DGKB: variants seen among roughly 807,000 people sequenced by gnomAD.
DGKB encodes diacylglycerol kinase beta.
In DGKB, 67 loss-of-function variants were observed where a neutral mutation model predicts 114.3. The ratio of observed to expected loss-of-function variants is 0.59; its 90% CI spans 0.48 to 0.72. The LOEUF (loss-of-function observed/expected upper bound fraction) is 0.72. Among genes scored for constraint, DGKB ranks in the 30% least tolerant of loss-of-function variants. The pLI is 0.00. For missense variants in DGKB, 907 were observed against 975.2 expected, an observed-to-expected ratio of 0.93 and a Z score of 0.93; for synonymous variants, 398 against 323.1, an observed-to-expected ratio of 1.23 and a Z score of -2.49.
intron 23 of DGKB, among the ~76,000 whole-genome samples, chr7:14,219,395 A>C (rs1472524930): frequency 6.6e-6 from 1 of 151,840 alleles, no homozygotes; most frequent in Non-Finnish European, 1.5e-5. Flanking sequence ...CCAACAGGGT[A>C]TAAGGGTTAT....
chr7:14,227,946 T>C (rs1449989848), intron 23 of DGKB, among the ~76,000 whole-genome samples: 2 of 152,094 alleles, frequency 1.3e-5, no homozygotes, highest in African/African-American at 4.8e-5. Flanking sequence ...TTTGTTATTG[T>C]TGTCAGCTGT....
intron 1 of DGKB, among the ~76,000 whole-genome samples, chr7:14,939,101 T>A (rs770670375): frequency 2.0e-5 from 3 of 152,148 alleles, no homozygotes; most frequent in Non-Finnish European, 2.9e-5. Context: ...TTTCTCTTTA[T>A]CTTTAATATC....
intron 1 of DGKB, among the ~76,000 whole-genome samples, chr7:14,971,527 C>A (rs550824234): frequency 2.6e-5 from 4 of 152,044 alleles, no homozygotes; most frequent in African/African-American, 7.2e-5. Flanking sequence ...AATACCTAGC[C>A]AATTTTTCAT....
intron 1 of DGKB, among the ~76,000 whole-genome samples, chr7:14,869,137 C>T (rs1852099132): frequency 6.6e-6 from 1 of 152,052 alleles, no homozygotes. Flanking sequence ...CAAGCCCATA[C>T]AGATAAGGAA....
chr7:14,347,478 A>G (rs36100361), intron 21 of DGKB, among the ~76,000 whole-genome samples: 42,003 of 151,824 alleles, frequency 0.28, 6,617 homozygotes, highest in Middle Eastern at 0.36. Flanking sequence ...TACCTCAAAG[A>G]GGTATTGTTG....
chr7:14,648,185 G>T (rs894948608), intron 13 of DGKB, among the ~76,000 whole-genome samples: 1 of 152,206 alleles, frequency 6.6e-6, no homozygotes, highest in African/African-American at 2.4e-5. Context: ...CTCCACCTCT[G>T]GGGGCAAGGC....
intron 13 of DGKB, among the ~76,000 whole-genome samples, chr7:14,671,359 T>G (rs1818933959): frequency 6.6e-6 from 1 of 152,092 alleles, no homozygotes; most frequent in South Asian, 2.1e-4. Context: ...ATCACACGCT[T>G]CAGAGTAGAT....
At chr7:14,685,473 T>C (rs1417088314) in intron 9 of DGKB, 111 bp from the exon 10 acceptor site, 5 of 757,744 alleles carry the variant, frequency 6.6e-6, no homozygotes, top group Non-Finnish European at 1.1e-5. Flanking sequence ...AATCTGTTAT[T>C]TCATCCCTGA....
chr7:14,840,578 T>C (rs1486245196), intron 2 of DGKB, among the ~76,000 whole-genome samples: 1 of 152,168 alleles, frequency 6.6e-6, no homozygotes, highest in Non-Finnish European at 1.5e-5. Flanking sequence ...ATCACTTGTA[T>C]CAATGCACAC....
intron 1 of DGKB, among the ~76,000 whole-genome samples, chr7:14,957,787 A>T (rs1162286523): frequency 1.3e-5 from 2 of 151,992 alleles, no homozygotes; most frequent in Non-Finnish European, 2.9e-5. Context: ...AAAGTATTTC[A>T]TATAGTGTAC....
rs1192813674 is a variant in DGKB at position 14,145,929 on chromosome 7, T to TA, written c.*3201dup. 5.3e-5 allele frequency: 8 copies of TA among 152,160 alleles called. No homozygotes were observed. Among genetic ancestry groups the TA allele is most frequent in the African/African-American group, 1.7e-4 (7 of 41,442 alleles). 9.4% of individuals were successfully genotyped at this position (152,160 alleles called of 1,614,324 possible). A position where few individuals can be genotyped will look rare whatever the true frequency, so the allele number is the denominator to read the frequency against. On this transcript the variant is annotated 3_prime_UTR_variant, in exon 26 of 26. Transcript: ENST00000402815. ...AAATTGCAACTACTTCCCATATGCC[T>TA]AAAAAACGAAAACAAAATAAAATGT...
intron 13 of DGKB, among the ~76,000 whole-genome samples, chr7:14,644,541 T>A (rs1385020864): frequency 1.3e-5 from 2 of 152,028 alleles, no homozygotes; most frequent in African/African-American, 2.4e-5. Flanking sequence ...ATCATAGAAC[T>A]GAAGAATTCA....
At chr7:14,188,659 C>CAAAAAAAA (rs35808078) in intron 23 of DGKB, among the ~76,000 whole-genome samples, 11 of 34,096 alleles carry the variant, frequency 3.2e-4, no homozygotes, top group African/African-American at 9.9e-4. Context: ...GACTCCGTCT[C>CAAAAAAAA]AAAAAAAAAA....
chr7:14,415,270 A>C (rs896001822), intron 21 of DGKB, among the ~76,000 whole-genome samples: 3 of 147,946 alleles, frequency 2.0e-5, no homozygotes, highest in Non-Finnish European at 3.0e-5. Flanking sequence ...ATATTTTTAA[A>C]TTTTAGTATT....
At chr7:14,645,118 C>T (rs947124096) in intron 13 of DGKB, among the ~76,000 whole-genome samples, 5 of 152,042 alleles carry the variant, frequency 3.3e-5, no homozygotes, top group African/African-American at 9.7e-5. Context: ...TCAAGACCAA[C>T]CATGGACCCA....
At chr7:14,265,521 A>G (rs999595500) in intron 23 of DGKB, among the ~76,000 whole-genome samples, 5 of 151,502 alleles carry the variant, frequency 3.3e-5, no homozygotes, top group Admixed American at 3.3e-4. Context: ...TAATTCCCAC[A>G]TGCCCTTCTG....
intron 1 of DGKB, among the ~76,000 whole-genome samples, chr7:14,972,151 G>A (rs908346357): frequency 6.6e-6 from 1 of 152,024 alleles, no homozygotes; most frequent in African/African-American, 2.4e-5. Flanking sequence ...AGTCTGGAAT[G>A]TCTATTTTAT....
At chr7:14,677,069 G>A (rs918212328) in intron 12 of DGKB, among the ~76,000 whole-genome samples, 7 of 151,882 alleles carry the variant, frequency 4.6e-5, no homozygotes, top group Non-Finnish European at 1.5e-5. Context: ...CAGAGTTTAT[G>A]ACAACTTCCA....
At chr7:14,933,955 T>C (rs1785157901) in intron 1 of DGKB, among the ~76,000 whole-genome samples, 1 of 152,192 alleles carries the variant, frequency 6.6e-6, no homozygotes, top group African/African-American at 2.4e-5. Context: ...TATCCCAATA[T>C]GTTCCTCTCT....
Sources: gnomAD v4.1 joint callset for allele counts (sites outside exome capture counted in the v4.1 genomes callset) on GRCh38, gnomAD v4.1.1 for gene constraint, MANE v1.5 for transcripts, NCBI Gene and HGNC (gene_info 2026-07-23, HGNC 2026-07-21) for gene names.